The following PIK3C2G variants were observed in gnomAD, a reference collection of about 807,000 sequenced individuals.
PIK3C2G encodes phosphatidylinositol-4-phosphate 3-kinase catalytic subunit type 2 gamma, also known as phosphatidylinositol 3-kinase C2 domain-containing subunit gamma.
Under a neutral mutation model 181.1 loss-of-function variants are expected in PIK3C2G, and 168 were observed. That is an observed-to-expected ratio of 0.93 (90% CI 0.82 to 1.05). PIK3C2G has a LOEUF of 1.05. PIK3C2G is among the 50% of genes least tolerant of loss of function. The pLI is 0.00. For missense variants in PIK3C2G, 1,869 were observed against 1,732.8 expected, an observed-to-expected ratio of 1.08 and a Z score of -1.40; for synonymous variants, 573 against 592.2, an observed-to-expected ratio of 0.97 and a Z score of 0.47.
intron 18 of PIK3C2G, among the ~76,000 whole-genome samples, chr12:18,434,157 A>G (rs1946316185): frequency 6.6e-6 from 1 of 152,210 alleles, no homozygotes; most frequent in African/African-American, 2.4e-5. Flanking sequence ...TGCATCTTCC[A>G]GAGGAAAGGA....
chr12:18,482,532 G>A (rs1413814755), intron 18 of PIK3C2G, among the ~76,000 whole-genome samples: 7 of 152,096 alleles, frequency 4.6e-5, no homozygotes, highest in African/African-American at 1.7e-4. Context: ...CCTTTTATGA[G>A]TTTATTTAAA....
At chr12:18,267,704 T>C (rs1948563441) in intron 1 of PIK3C2G, among the ~76,000 whole-genome samples, 1 of 152,220 alleles carries the variant, frequency 6.6e-6, no homozygotes, top group East Asian at 1.9e-4. Flanking sequence ...TTTCCCTAAA[T>C]TCTGGACTTC....
Position 18,488,506 on chromosome 12 carries a change from A to G in PIK3C2G, c.2562A>G (p.Leu854=), listed in dbSNP as rs1481099453. The part of the protein sequence containing the change: ...AYFKSWYQKL[L]AALQFCAGKA... ...TTAAAAGCTGGTATCAGAAGCTACT[A>G]GCTGCTCTCCAATTCTGTGCAGGTA... The change falls in exon 19 of 33, where the codon CTA becomes CTG. Residue 854 remains leucine (L), a synonymous_variant. Coordinates refer to ENST00000538779, the MANE Select transcript of PIK3C2G (RefSeq NM_001288772.2). 6.4e-7 allele frequency: 1 copy of G among 1,570,762 alleles called. No individual in the cohort carries two copies. The highest frequency in any genetic ancestry group is 1.8e-5 in the Admixed American group (1 of 54,122).
At chr12:18,539,122 A>G (rs1390687516) in intron 25 of PIK3C2G, among the ~76,000 whole-genome samples, 1 of 151,920 alleles carries the variant, frequency 6.6e-6, no homozygotes, top group Non-Finnish European at 1.5e-5. Context: ...ATTCTACCAG[A>G]TGTTGTTAAG....
intron 10 of PIK3C2G, 68 bp from the exon 11 acceptor site, chr12:18,346,573 C>T: frequency 1.2e-6 from 1 of 843,002 alleles, no homozygotes; most frequent in Non-Finnish European, 1.9e-6. Flanking sequence ...CATTTCAAAG[C>T]TGTAATTGAT....
At chr12:18,712,758 G>A in the PIK3C2G span, 2 of 1,491,480 alleles carry the variant, frequency 1.3e-6, no homozygotes, top group Admixed American at 3.4e-5. Flanking sequence ...CTAAAGTAAG[G>A]CTAAGCATTA....
At chr12:18,428,827 G>T (rs1298552983) in intron 18 of PIK3C2G, among the ~76,000 whole-genome samples, 8 of 152,130 alleles carry the variant, frequency 5.3e-5, no homozygotes, top group Admixed American at 4.6e-4. Flanking sequence ...ATCCTAAAAG[G>T]TGGCTATAAA....
intron 31 of PIK3C2G, among the ~76,000 whole-genome samples, chr12:18,626,472 C>G (rs572843443): frequency 6.6e-6 from 1 of 152,010 alleles, no homozygotes; most frequent in South Asian, 2.1e-4. Context: ...TAAGAGTGTT[C>G]TGAATGTTGT....
intron 14 of PIK3C2G, among the ~76,000 whole-genome samples, chr12:18,387,079 G>T (rs549355432): frequency 6.6e-6 from 1 of 152,190 alleles, no homozygotes; most frequent in Admixed American, 6.5e-5. Flanking sequence ...CTTTATGTCT[G>T]TTCATGCCCC....
At chr12:18,416,266 GA>G in intron 16 of PIK3C2G, among the ~76,000 whole-genome samples, 1 of 151,594 alleles carries the variant, frequency 6.6e-6, no homozygotes, top group East Asian at 1.9e-4. Context: ...GAAAAGAAAA[GA>G]AAAGAAGGAA....
intron 1 of PIK3C2G, among the ~76,000 whole-genome samples, chr12:18,253,919 T>A (rs1948119088): frequency 6.6e-6 from 1 of 151,860 alleles, no homozygotes; most frequent in Admixed American, 6.6e-5. Context: ...TTCCTCAGAT[T>A]GCATGTTTCA....
chr12:18,308,527 G>C (rs1480264047), intron 5 of PIK3C2G, among the ~76,000 whole-genome samples: 2 of 150,810 alleles, frequency 1.3e-5, no homozygotes, highest in African/African-American at 4.9e-5. Flanking sequence ...TAAATTAGTA[G>C]AGGCTCCTTT....
At chr12:18,340,018 C>T (rs1040846988) in intron 9 of PIK3C2G, among the ~76,000 whole-genome samples, 2 of 151,898 alleles carry the variant, frequency 1.3e-5, no homozygotes, top group Non-Finnish European at 2.9e-5. Context: ...TTTTACTTTC[C>T]AATTATAGAA....
chr12:18,609,685 C>A, intron 31 of PIK3C2G, 56 bp downstream of exon 31: 1 of 1,079,048 alleles, frequency 9.3e-7, no homozygotes, highest in East Asian at 2.6e-5. Context: ...AAATCACTTA[C>A]CTCCTTTGGG....
At chr12:18,300,165 T>C (rs183467647) in intron 5 of PIK3C2G, among the ~76,000 whole-genome samples, 88 of 151,944 alleles carry the variant, frequency 5.8e-4, no homozygotes, top group Non-Finnish European at 1.0e-3. Flanking sequence ...TCATCCTGAG[T>C]TTTTCCTTGC....
At chr12:18,507,235 G>A (rs557882022) in intron 24 of PIK3C2G, among the ~76,000 whole-genome samples, 2 of 152,034 alleles carry the variant, frequency 1.3e-5, no homozygotes, top group African/African-American at 2.4e-5. Context: ...TCGCCATGTT[G>A]GCCAGGCTGG....
chr12:18,299,525 C>T (rs1401234449), intron 5 of PIK3C2G, among the ~76,000 whole-genome samples: 1 of 151,744 alleles, frequency 6.6e-6, no homozygotes, highest in African/African-American at 2.4e-5. Context: ...AATCTGGCTG[C>T]TTTTTATTTA....
At chr12:18,348,752 T>C (rs1044777582) in intron 11 of PIK3C2G, among the ~76,000 whole-genome samples, 1 of 152,198 alleles carries the variant, frequency 6.6e-6, no homozygotes, top group Non-Finnish European at 1.5e-5. Flanking sequence ...TATTAATACA[T>C]AACCAATTAC....
At chr12:18,684,002 G>T in the PIK3C2G span, 1 of 1,117,558 alleles carries the variant, frequency 8.9e-7, no homozygotes, top group Non-Finnish European at 1.3e-6. Context: ...AAAAATATGT[G>T]TCAATACATA....
Sources: allele counts gnomAD v4.1 joint callset (sites outside exome capture counted in the v4.1 genomes callset), GRCh38; gene constraint gnomAD v4.1.1; transcripts MANE v1.5; gene names NCBI Gene and HGNC (gene_info 2026-07-23, HGNC 2026-07-21).